Variants in ZMYM4 observed in about 807,000 individuals in gnomAD.
ZMYM4 encodes zinc finger MYM-type protein 4.
Under a neutral mutation model 183.2 loss-of-function variants are expected in ZMYM4, and 31 were observed. The observed-to-expected ratio is 0.17, with a 90% confidence interval of 0.13 to 0.23. ZMYM4 has a LOEUF of 0.23. Ranked by LOEUF, ZMYM4 falls within the 10% of genes least tolerant of loss-of-function variation. The pLI is 1.00. For missense variants in ZMYM4, 1,273 were observed against 1,840.3 expected, an observed-to-expected ratio of 0.69 and a Z score of 5.64; for synonymous variants, 592 against 631.2, an observed-to-expected ratio of 0.94 and a Z score of 0.93.
chr1:35,294,582 G>A (rs1216881973), intron 1 of ZMYM4, among the ~76,000 whole-genome samples: 1 of 152,126 alleles, frequency 6.6e-6, no homozygotes, highest in East Asian at 1.9e-4. Context: ...ACAGATTCAT[G>A]TCTATATAAC....
chr1:35,323,560 T>C (rs1319350751), intron 1 of ZMYM4, among the ~76,000 whole-genome samples: 1 of 151,940 alleles, frequency 6.6e-6, no homozygotes, highest in Non-Finnish European at 1.5e-5. Flanking sequence ...TGTTTTTTTT[T>C]TGAGACAGAG....
intron 1 of ZMYM4, among the ~76,000 whole-genome samples, chr1:35,285,702 G>A (rs534759220): frequency 8.5e-4 from 129 of 152,254 alleles, no homozygotes; most frequent in Non-Finnish European, 1.4e-3. Flanking sequence ...TAGGTTATAT[G>A]CAAATACTAT....
intron 7 of ZMYM4, among the ~76,000 whole-genome samples, chr1:35,377,656 A>G (rs1644363560): frequency 1.3e-5 from 2 of 152,258 alleles, no homozygotes; most frequent in African/African-American, 4.8e-5. Context: ...TTAAAAACCA[A>G]TGTACATTTT....
chr1:35,341,651 C>T (rs1198242628), intron 2 of ZMYM4, among the ~76,000 whole-genome samples: 2 of 151,772 alleles, frequency 1.3e-5, no homozygotes, highest in Non-Finnish European at 2.9e-5. Context: ...AAAGCCATAT[C>T]ATCTAAAACT....
chr1:35,307,703 T>G (rs1175228333), intron 1 of ZMYM4, among the ~76,000 whole-genome samples: 3 of 150,564 alleles, frequency 2.0e-5, no homozygotes, highest in African/African-American at 4.9e-5. Flanking sequence ...CCCGGCTAAT[T>G]TTTTATGTTT....
intron 25 of ZMYM4, among the ~76,000 whole-genome samples, chr1:35,406,950 A>C (rs1282160986): frequency 6.6e-6 from 1 of 152,182 alleles, no homozygotes; most frequent in African/African-American, 2.4e-5. Context: ...AAATCTTAAT[A>C]TGAGAAATGA....
intron 27 of ZMYM4, 130 bp from the exon 28 acceptor site, chr1:35,415,336 C>A: frequency 7.8e-7 from 1 of 1,284,320 alleles, no homozygotes. Context: ...TGGTTTTCTG[C>A]ATAAGGAAGA....
chr1:35,344,535 TGAAA>T (rs1052582838), intron 2 of ZMYM4, among the ~76,000 whole-genome samples: 3 of 152,192 alleles, frequency 2.0e-5, no homozygotes, highest in Admixed American at 2.0e-4. Flanking sequence ...TTTAGTTTAC[TGAAA>T]GATATTTTCA....
At chr1:35,362,504 T>C (rs1268466376) in intron 5 of ZMYM4, among the ~76,000 whole-genome samples, 1 of 151,876 alleles carries the variant, frequency 6.6e-6, no homozygotes, top group Non-Finnish European at 1.5e-5. Flanking sequence ...CAAGAAGGGG[T>C]CCAAGGGACG....
chr1:35,328,913 T>G (rs1642619520), intron 2 of ZMYM4, among the ~76,000 whole-genome samples: 1 of 152,162 alleles, frequency 6.6e-6, no homozygotes, highest in African/African-American at 2.4e-5. Flanking sequence ...CTCAGGGAAC[T>G]GTCTCAAAAT....
intron 2 of ZMYM4, among the ~76,000 whole-genome samples, chr1:35,338,808 G>GT (rs934218787): frequency 2.0e-5 from 3 of 152,082 alleles, no homozygotes; most frequent in South Asian, 2.1e-4. Flanking sequence ...CTTGCTATTA[G>GT]TTTTTTTCTT....
chr1:35,391,611 C>G (rs1570508723), intron 15 of ZMYM4, among the ~76,000 whole-genome samples: 1 of 152,322 alleles, frequency 6.6e-6, no homozygotes, highest in South Asian at 2.1e-4. Context: ...TCCATTAAAT[C>G]TAACCTGTGA....
intron 6 of ZMYM4, 55 bp downstream of exon 6, chr1:35,370,168 G>C (rs1473323891): frequency 1.3e-6 from 2 of 1,583,172 alleles, no homozygotes; most frequent in Non-Finnish European, 1.7e-6. Flanking sequence ...ATATGAATGA[G>C]AAGAAATTCT....
chr1:35,293,264 C>T (rs963360231), intron 1 of ZMYM4, among the ~76,000 whole-genome samples: 1 of 152,112 alleles, frequency 6.6e-6, no homozygotes, highest in Non-Finnish European at 1.5e-5. Context: ...CTCAGCCTCC[C>T]GAAGTGCTAG....
chr1:35,405,094 G>T lies in ZMYM4; in HGVS notation c.3600G>T (p.Val1200=), dbSNP rs1644978070. The T allele has an allele frequency of 6.2e-7, 1 of 1,613,980 alleles. No homozygotes were observed. Among genetic ancestry groups the T allele is most frequent in the Non-Finnish European group, 8.5e-7 (1 of 1,180,016 alleles). Residue 1200 remains valine, a synonymous_variant, in exon 24 of 30, where the codon GTG becomes GTT. Transcript: ENST00000314607. ...AAGGAGCCTTTCAAGGCTGCTCAGTGTCCGGGATGACACTGAAATACATGT... is the reference window on the plus strand; with the variant it reads ...AAGGAGCCTTTCAAGGCTGCTCAGTTTCCGGGATGACACTGAAATACATGT... ...LIQGAFQGCS[V]SGMTLKYMYG...
chr1:35,346,065 T>A (rs1643380575), intron 2 of ZMYM4, among the ~76,000 whole-genome samples: 1 of 152,246 alleles, frequency 6.6e-6, no homozygotes, highest in African/African-American at 2.4e-5. Context: ...TGATTTTACT[T>A]AGCATAATGT....
intron 5 of ZMYM4, among the ~76,000 whole-genome samples, chr1:35,369,546 T>C (rs1644159846): frequency 6.6e-6 from 1 of 152,090 alleles, no homozygotes; most frequent in South Asian, 2.1e-4. Context: ...AAGAATGGTA[T>C]ATTTAATATA....
Position 35,337,154 on chromosome 1 carries a change from T to A in ZMYM4, c.85+11749T>A, listed in dbSNP as rs180861819. Among the ~76,000 whole-genome samples the A allele has an allele frequency of 6.3e-4, 96 of 151,764 alleles. No individual in the cohort carries two copies. In the East Asian group the frequency reaches 0.016, roughly 25 times the overall value. ...TGGGCAGATCACTTGAGGTCAGGAGTTCGAGACCAGCCTGGCCAACATGGT... is the reference window on the plus strand; with the variant it reads ...TGGGCAGATCACTTGAGGTCAGGAGATCGAGACCAGCCTGGCCAACATGGT... On this transcript the variant is annotated intron_variant, in intron 2 of 29. Transcript: ENST00000314607.
rs201360397 is a variant in ZMYM4 at position 35,283,326 on chromosome 1, C to CTTTTT, written c.39+14266_39+14270dup. 1.1e-3 allele frequency among the ~76,000 whole-genome samples: 61 copies of CTTTTT among 56,764 alleles called. 11 individuals carry two copies. The highest frequency in any genetic ancestry group is 5.1e-3 in the African/African-American group (54 of 10,502). The allele number at this position is 56,764 out of a possible 152,430, so 37.2% of individuals were successfully genotyped here. On this transcript the variant is annotated intron_variant, in intron 1 of 29. Transcript: ENST00000314607. ...TGTCCTAGTGGGTGTGAAGTGGTAT[C>CTTTTT]TTTTTTTTTTTTTTTTTTTTTTTTT...
Sources: gnomAD v4.1 joint callset for allele counts (sites outside exome capture counted in the v4.1 genomes callset) on GRCh38, gnomAD v4.1.1 for gene constraint, MANE v1.5 for transcripts, NCBI Gene and HGNC (gene_info 2026-07-23, HGNC 2026-07-21) for gene names.